Variants in SPIDR observed in about 807,000 individuals in gnomAD.
SPIDR encodes DNA repair-scaffolding protein.
A neutral mutation model predicts 104.6 loss-of-function variants in SPIDR; 93 were observed. That is an observed-to-expected ratio of 0.89 (90% confidence interval 0.75 to 1.06). The LOEUF (loss-of-function observed/expected upper bound fraction) is 1.06. Among genes scored for constraint, SPIDR ranks in the 50% least tolerant of loss-of-function variants. The pLI is 0.00. For synonymous variants in SPIDR, 431 were observed against 416.9 expected (o/e 1.03, Z -0.41); for missense variants, 1,154 against 1,111.2 (o/e 1.04, Z -0.55).
At chr8:47,340,268 C>T (rs1272261003) in intron 5 of SPIDR, among the ~76,000 whole-genome samples, 3 of 152,008 alleles carry the variant, frequency 2.0e-5, no homozygotes, top group Non-Finnish European at 2.9e-5. Flanking sequence ...CCGTGGGACT[C>T]GAAGTTTAAG....
At chr8:47,286,437 G>A (rs975832960) in intron 3 of SPIDR, among the ~76,000 whole-genome samples, 15 of 152,114 alleles carry the variant, frequency 9.9e-5, no homozygotes, top group African/African-American at 3.6e-4. Context: ...AGTCTGATAG[G>A]GTGGCATACG....
At chr8:47,623,371 A>G (rs1273961010) in intron 10 of SPIDR, among the ~76,000 whole-genome samples, 5 of 152,228 alleles carry the variant, frequency 3.3e-5, no homozygotes, top group Admixed American at 1.3e-4. Flanking sequence ...GAAAGGATCA[A>G]ATTCACACAT....
At chr8:47,532,677 A>G (rs374970055) in intron 8 of SPIDR, among the ~76,000 whole-genome samples, 1 of 152,226 alleles carries the variant, frequency 6.6e-6, no homozygotes, top group South Asian at 2.1e-4. Flanking sequence ...AGACAAAACC[A>G]CTATTACAGC....
chr8:47,639,532 C>T (rs1345742003), intron 10 of SPIDR, among the ~76,000 whole-genome samples: 2 of 152,050 alleles, frequency 1.3e-5, no homozygotes, highest in Non-Finnish European at 2.9e-5. Context: ...GAGTGTATGG[C>T]GTTCCTTTAC....
At chr8:47,307,931 A>T (rs587686240) in intron 5 of SPIDR, among the ~76,000 whole-genome samples, 2 of 149,732 alleles carry the variant, frequency 1.3e-5, no homozygotes, top group African/African-American at 2.5e-5. Context: ...GTGTTGTTTT[A>T]TTTTTTTTTC....
chr8:47,654,263 G>C, intron 10 of SPIDR: 1 of 981,566 alleles, frequency 1.0e-6, no homozygotes, highest in South Asian at 1.4e-5. Context: ...GGAAGCACCT[G>C]CCTAATCCAT....
intron 8 of SPIDR, among the ~76,000 whole-genome samples, chr8:47,508,286 T>C (rs1020408461): frequency 6.6e-6 from 1 of 152,168 alleles, no homozygotes; most frequent in African/African-American, 2.4e-5. Flanking sequence ...TTTCCTGCTA[T>C]TGGGATAGGA....
At chr8:47,722,817 T>C (rs1310044485) in intron 16 of SPIDR, among the ~76,000 whole-genome samples, 3 of 152,108 alleles carry the variant, frequency 2.0e-5, no homozygotes, top group African/African-American at 7.2e-5. Flanking sequence ...CTTGCTGTAT[T>C]GTCCAGGCTG....
At chr8:47,601,804 T>A (rs2062333236) in intron 10 of SPIDR, among the ~76,000 whole-genome samples, 1 of 152,186 alleles carries the variant, frequency 6.6e-6, no homozygotes, top group Non-Finnish European at 1.5e-5. Context: ...CTGGGGAGAC[T>A]TGGTTGGACT....
rs567798137 is a variant in SPIDR, at chr8:47,358,143, T to G, written c.526-38233T>G. 1.2e-4 allele frequency among the ~76,000 whole-genome samples: 19 copies of G among 152,360 alleles called. No homozygotes were observed. The South Asian group carries it at 2.1e-3, about 17-fold the overall frequency. ...GTGGAGTGCAGTGGCTGTTCACAGG[T>G]GTGATCATGGCTCACTGCAGCCTTG... On this transcript the variant is annotated intron_variant, in intron 5 of 19. Coordinates refer to ENST00000297423, the MANE Select transcript of SPIDR (RefSeq NM_001080394.4).
At chr8:47,717,252 C>G (rs2082717346) in intron 16 of SPIDR, among the ~76,000 whole-genome samples, 1 of 152,192 alleles carries the variant, frequency 6.6e-6, no homozygotes, top group Non-Finnish European at 1.5e-5. Context: ...ATTCTCTTCA[C>G]TGGTTGCTAC....
intron 7 of SPIDR, among the ~76,000 whole-genome samples, chr8:47,425,201 T>C (rs1292559685): frequency 6.6e-6 from 1 of 152,026 alleles, no homozygotes; most frequent in Non-Finnish European, 1.5e-5. Context: ...CTATATCTGG[T>C]GGTGGAGATG....
chr8:47,353,614 C>T (rs2053968098), intron 5 of SPIDR, among the ~76,000 whole-genome samples: 1 of 151,910 alleles, frequency 6.6e-6, no homozygotes. Context: ...AAAATGTTAC[C>T]TGAATTAAAT....
At chr8:47,729,194 T>A in intron 18 of SPIDR, 147 bp downstream of exon 18, 1 of 1,514,396 alleles carries the variant, frequency 6.6e-7, no homozygotes, top group East Asian at 2.5e-5. Flanking sequence ...GAACTCCCTC[T>A]AGGTCCTAGG....
intron 14 of SPIDR, among the ~76,000 whole-genome samples, chr8:47,711,348 A>G (rs2154488005): frequency 6.6e-6 from 1 of 151,956 alleles, no homozygotes; most frequent in African/African-American, 2.4e-5. Flanking sequence ...TTTTAGTTTT[A>G]GTTTTAGTTT....
At chr8:47,607,459 A>C (rs1186220862) in intron 10 of SPIDR, among the ~76,000 whole-genome samples, 2 of 151,994 alleles carry the variant, frequency 1.3e-5, no homozygotes, top group Admixed American at 1.3e-4. Flanking sequence ...GCCCTGGCTC[A>C]ATATTAAAGC....
At chr8:47,500,501 T>C (rs1042454222) in intron 8 of SPIDR, among the ~76,000 whole-genome samples, 2 of 152,228 alleles carry the variant, frequency 1.3e-5, no homozygotes, top group African/African-American at 4.8e-5. Flanking sequence ...TTTGTTTTTT[T>C]CTTGTAAATT....
At chr8:47,436,873 G>A (rs1032637690) in intron 7 of SPIDR, among the ~76,000 whole-genome samples, 3 of 152,152 alleles carry the variant, frequency 2.0e-5, no homozygotes, top group African/African-American at 7.2e-5. Flanking sequence ...AAGAGCTTTA[G>A]AATGCTCAGT....
chr8:47,676,166 G>A (rs993758867), intron 11 of SPIDR, among the ~76,000 whole-genome samples: 4 of 152,150 alleles, frequency 2.6e-5, no homozygotes, highest in African/African-American at 9.7e-5. Context: ...TCTAGTTTTT[G>A]TGGTTGGCAC....
Sources: gnomAD v4.1 joint callset for allele counts (sites outside exome capture counted in the v4.1 genomes callset) on GRCh38, gnomAD v4.1.1 for gene constraint, MANE v1.5 for transcripts, NCBI Gene and HGNC (gene_info 2026-07-23, HGNC 2026-07-21) for gene names.